Variants in ERAP2 observed in about 807,000 individuals in gnomAD.
ERAP2 encodes endoplasmic reticulum aminopeptidase 2.
ERAP2 carries 118 observed loss-of-function variants against 111.1 expected under a neutral mutation model. That is an observed-to-expected ratio of 1.06 (90% confidence interval 0.92 to 1.24). The LOEUF (loss-of-function observed/expected upper bound fraction) is 1.24. Among genes scored for constraint, ERAP2 ranks in the 50% most tolerant of loss-of-function variants. The pLI, the probability that ERAP2 is intolerant of heterozygous loss-of-function variation, is 0.00. For missense variants in ERAP2, 1,131 were observed against 1,125.8 expected, an observed-to-expected ratio of 1.00 and a Z score of -0.07; for synonymous variants, 410 against 401.2, an observed-to-expected ratio of 1.02 and a Z score of -0.26.
intron 9 of ERAP2, among the ~76,000 whole-genome samples, chr5:96,898,639 T>C (rs999822333): frequency 2.7e-5 from 4 of 149,584 alleles, no homozygotes; most frequent in Non-Finnish European, 5.9e-5. Flanking sequence ...ACTCGGGAGG[T>C]TGAGGCAGGA....
chr5:96,885,225 C>T (rs1236844818), intron 3 of ERAP2, among the ~76,000 whole-genome samples: 1 of 152,162 alleles, frequency 6.6e-6, no homozygotes, highest in African/African-American at 2.4e-5. Context: ...CCTCCACACA[C>T]TTGACTAAAT....
chr5:96,909,938 T>C (rs1786532071), intron 15 of ERAP2, 174 bp downstream of exon 15: 3 of 585,648 alleles, frequency 5.1e-6, no homozygotes, highest in Non-Finnish European at 8.9e-6. Flanking sequence ...TGGAGACTAG[T>C]ACAATCTCTA....
intron 5 of ERAP2, among the ~76,000 whole-genome samples, chr5:96,891,385 A>ATATATATATGTG (rs1561371513): frequency 6.7e-6 from 1 of 148,658 alleles, no homozygotes; most frequent in African/African-American, 2.5e-5. Context: ...ATATATATAT[A>ATATATATATGTG]TGTGTATACA....
chr5:96,895,169 T>C, intron 6 of ERAP2, 77 bp from the exon 7 acceptor site: 1 of 795,734 alleles, frequency 1.3e-6, no homozygotes, highest in Admixed American at 2.9e-5. Flanking sequence ...AAAAAGTTAG[T>C]AACTATTGTA....
At chr5:96,877,983 A>G (rs1334780678) in intron 1 of ERAP2, among the ~76,000 whole-genome samples, 2 of 152,258 alleles carry the variant, frequency 1.3e-5, no homozygotes, top group African/African-American at 2.4e-5. Flanking sequence ...TTATAAAAAG[A>G]AGAAGTAGCA....
At chr5:96,907,277 C>T (rs17087165) in intron 13 of ERAP2, among the ~76,000 whole-genome samples, 82,444 of 151,940 alleles carry the variant, frequency 0.54, 22,425 homozygotes, top group Admixed American at 0.59. Context: ...AATTAAACAA[C>T]TCAGTAACTA....
intron 2 of ERAP2, among the ~76,000 whole-genome samples, chr5:96,880,468 G>A (rs1783011877): frequency 6.6e-6 from 1 of 152,164 alleles, no homozygotes; most frequent in Admixed American, 6.5e-5. Context: ...GCTAGAGGGT[G>A]AATAACTAGG....
intron 5 of ERAP2, among the ~76,000 whole-genome samples, chr5:96,891,573 A>C (rs1255522824): frequency 3.0e-5 from 4 of 133,158 alleles, no homozygotes; most frequent in Middle Eastern, 3.7e-3. Flanking sequence ...CATATATGGT[A>C]CACACACACA....
chr5:96,876,339 A>T (rs1782522538), upstream of ERAP2: 1 of 152,346 alleles, frequency 6.6e-6, no homozygotes. Flanking sequence ...TTATTTGTGC[A>T]TTCTACAAAA....
intron 5 of ERAP2, 62 bp downstream of exon 5, chr5:96,889,367 C>T (rs1784092938): frequency 1.3e-6 from 2 of 1,559,914 alleles, no homozygotes; most frequent in Non-Finnish European, 1.8e-6. Context: ...TTGATCTCTT[C>T]CCTCTTTCTC....
chr5:96,886,182 C>T (rs1052836299), intron 3 of ERAP2, among the ~76,000 whole-genome samples: 2 of 152,294 alleles, frequency 1.3e-5, no homozygotes, highest in Admixed American at 1.3e-4. Flanking sequence ...ACCTCACACC[C>T]ACATAACAGG....
intron 3 of ERAP2, 26 bp from the exon 4 acceptor site, chr5:96,886,629 C>G (rs767126569): frequency 1.4e-6 from 2 of 1,472,248 alleles, no homozygotes; most frequent in Non-Finnish European, 1.8e-6. Context: ...TTTTCAAGTA[C>G]TGATTATTCC....
chr5:96,891,527 G>C (rs1296879040), intron 5 of ERAP2, among the ~76,000 whole-genome samples: 1 of 46,580 alleles, frequency 2.1e-5, no homozygotes, highest in African/African-American at 9.4e-5. Context: ...GCCCATATAC[G>C]GTATATATAC....
At chr5:96,904,414 A>G (rs1039496834) in intron 13 of ERAP2, among the ~76,000 whole-genome samples, 3 of 152,216 alleles carry the variant, frequency 2.0e-5, no homozygotes, top group Non-Finnish European at 2.9e-5. Flanking sequence ...TTTAGGTCAA[A>G]TTGAGTGAAA....
intron 2 of ERAP2, among the ~76,000 whole-genome samples, chr5:96,881,978 T>C (rs1783174644): frequency 2.2e-5 from 2 of 92,956 alleles, no homozygotes; most frequent in Non-Finnish European, 4.3e-5. Flanking sequence ...GGAAGGGAAA[T>C]GGGTATCAGG....
In ERAP2 at chr5:96,892,360, T is replaced by C. The variant is rs1784472274; in HGVS notation, c.1032T>C (p.Tyr344=). 6.2e-7 allele frequency: 1 copy of C among 1,614,070 alleles called. No homozygotes were observed. The highest frequency in any genetic ancestry group is 1.1e-5 in the South Asian group (1 of 91,086). ...TGGAAAATTGGGGCCTCATTACATA[T>C]AGGGAGACGTCACTGCTTTTTGACC... ...GAMENWGLIT[Y]RETSLLFDPK... Residue 344 remains tyrosine (Y), a synonymous_variant, in exon 6 of 19, where the codon TAT becomes TAC. Transcript: ENST00000437043.
rs764098841 is a variant in ERAP2, at chr5:96,879,816, A to G, written c.131A>G (p.Tyr44Cys). Residue 44 changes from tyrosine to cysteine, a missense_variant, in exon 2 of 19, where the codon TAT becomes TGT. Physicochemically the swap from Tyr to Cys is radical, Grantham distance 194. Transcript: ENST00000437043. ...TCTCAGTTCTCAGTGCCATCTAGTT[A>G]TCACTTCACTGAGGATCCTGGGGCT... ...ICSQFSVPSS[Y>C]HFTEDPGAFP... is the part of the protein sequence containing the mutation. The G allele has an allele frequency of 8.7e-6, 14 of 1,614,178 alleles. No homozygotes were observed. The East Asian group carries it at 1.1e-4, about 13-fold the overall frequency.
intron 13 of ERAP2, among the ~76,000 whole-genome samples, chr5:96,905,108 C>T (rs1346621728): frequency 6.6e-6 from 1 of 151,934 alleles, no homozygotes; most frequent in African/African-American, 2.4e-5. Flanking sequence ...AGTACTTACT[C>T]AATAAATGTC....
At chr5:96,908,353 A>T (rs1243221321) in intron 13 of ERAP2, among the ~76,000 whole-genome samples, 5 of 152,196 alleles carry the variant, frequency 3.3e-5, no homozygotes, top group African/African-American at 1.2e-4. Flanking sequence ...AGAATAATAA[A>T]CCTGTTATTT....
Sources: gnomAD v4.1 joint callset for allele counts (sites outside exome capture counted in the v4.1 genomes callset) on GRCh38, gnomAD v4.1.1 for gene constraint, MANE v1.5 for transcripts, NCBI Gene and HGNC (gene_info 2026-07-23, HGNC 2026-07-21) for gene names.